The following PLPP4 variants were observed in gnomAD, a reference collection of about 807,000 sequenced individuals.
PLPP4 encodes diacylglycerol pyrophosphate like 2.
Under a neutral mutation model 32.2 loss-of-function variants are expected in PLPP4, and 20 were observed. The observed-to-expected ratio is 0.62, with a 90% CI of 0.44 to 0.90. PLPP4 has a LOEUF of 0.90. PLPP4 is among the 40% of genes least tolerant of loss of function. PLPP4 has a pLI of 0.00. For synonymous variants in PLPP4, 127 were observed against 133.0 expected, an observed-to-expected ratio of 0.95 and a Z score of 0.31; for missense variants, 257 against 353.1, an observed-to-expected ratio of 0.73 and a Z score of 2.18.
At chr10:120,518,742 A>T in intron 3 of PLPP4, 91 bp from the exon 4 acceptor site, 1 of 1,025,688 alleles carries the variant, frequency 9.7e-7, no homozygotes. Context: ...ATAGTATTAT[A>T]ATGTAACAGT....
At chr10:120,587,624 G>A (rs936874591) in intron 6 of PLPP4, 5 of 152,110 alleles carry the variant, frequency 3.3e-5, no homozygotes, top group East Asian at 1.9e-4. Flanking sequence ...TATTGTCCCC[G>A]TCCTCAAAAA....
intron 5 of PLPP4, among the ~76,000 whole-genome samples, chr10:120,555,074 C>T (rs12774116): frequency 0.052 from 7,940 of 151,328 alleles, 293 homozygotes; most frequent in Middle Eastern, 0.14. Flanking sequence ...CAGATTACAG[C>T]GAGTGGCAAA....
intron 2 of PLPP4, among the ~76,000 whole-genome samples, chr10:120,504,139 C>T (rs2133867738): frequency 6.6e-6 from 1 of 152,310 alleles, no homozygotes; most frequent in African/African-American, 2.4e-5. Context: ...TTCCCTGGTA[C>T]CACAAAGAAA....
At chr10:120,504,036 GAGA>G (rs1845387866) in intron 2 of PLPP4, 110 bp downstream of exon 2, 4 of 725,420 alleles carry the variant, frequency 5.5e-6, no homozygotes, top group Non-Finnish European at 9.5e-6. Flanking sequence ...CTGAGAGAAA[GAGA>G]AGGAGAGCAG....
chr10:120,581,288 C>T, intron 6 of PLPP4: 1 of 985,400 alleles, frequency 1.0e-6, no homozygotes, highest in African/African-American at 1.7e-5. Context: ...TGTGGTTCCT[C>T]CTGCTCAGCA....
intron 5 of PLPP4, among the ~76,000 whole-genome samples, chr10:120,567,586 T>A (rs1848748062): frequency 6.6e-6 from 1 of 152,226 alleles, no homozygotes; most frequent in South Asian, 2.1e-4. Context: ...GGATCTCAAT[T>A]TGTTGTCTGG....
intron 6 of PLPP4, among the ~76,000 whole-genome samples, chr10:120,588,486 TTGTC>T (rs1232177187): frequency 2.6e-5 from 4 of 152,214 alleles, no homozygotes; most frequent in Non-Finnish European, 5.9e-5. Context: ...TTTATTCACT[TTGTC>T]TGTGACTCAG....
intron 3 of PLPP4, among the ~76,000 whole-genome samples, chr10:120,515,302 A>C (rs913583270): frequency 1.3e-5 from 2 of 152,156 alleles, no homozygotes; most frequent in Non-Finnish European, 2.9e-5. Flanking sequence ...TGACCACTGC[A>C]ATGTGCCTTG....
At chr10:120,480,404 G>C (rs546919304) in intron 1 of PLPP4, among the ~76,000 whole-genome samples, 31 of 152,266 alleles carry the variant, frequency 2.0e-4, no homozygotes, top group Middle Eastern at 6.8e-3. Context: ...CCAAGGTTTT[G>C]ATCAGCAACT....
intron 5 of PLPP4, among the ~76,000 whole-genome samples, chr10:120,550,639 A>G (rs1847852378): frequency 6.6e-6 from 1 of 151,998 alleles, no homozygotes; most frequent in Non-Finnish European, 1.5e-5. Flanking sequence ...AAAGGTGTCA[A>G]GGTAATCTAG....
chr10:120,534,025 T>G (rs1024054185), intron 5 of PLPP4, among the ~76,000 whole-genome samples: 1 of 152,174 alleles, frequency 6.6e-6, no homozygotes, highest in African/African-American at 2.4e-5. Context: ...ATTTATACTG[T>G]CTTTTATAAT....
chr10:120,488,895 C>T (rs1292646111), intron 1 of PLPP4, among the ~76,000 whole-genome samples: 2 of 152,200 alleles, frequency 1.3e-5, no homozygotes, highest in Non-Finnish European at 2.9e-5. Flanking sequence ...GGCAAGAAAC[C>T]TCTTTGAGAC....
intron 1 of PLPP4, among the ~76,000 whole-genome samples, chr10:120,486,361 A>G (rs548363342): frequency 6.6e-6 from 1 of 151,948 alleles, no homozygotes; most frequent in South Asian, 2.1e-4. Flanking sequence ...ACTGTCCCCT[A>G]GATGAGGCAA....
chr10:120,508,934 G>A (rs1292655586), intron 2 of PLPP4, among the ~76,000 whole-genome samples: 1 of 152,152 alleles, frequency 6.6e-6, no homozygotes, highest in African/African-American at 2.4e-5. Flanking sequence ...AGCATTTGCC[G>A]GATGCTAGCT....
At chr10:120,516,142 C>A (rs538583493) in intron 3 of PLPP4, among the ~76,000 whole-genome samples, 3 of 152,054 alleles carry the variant, frequency 2.0e-5, no homozygotes, top group African/African-American at 7.2e-5. Flanking sequence ...TTTTCAATCA[C>A]TATTTTTAGG....
At chr10:120,581,881 A>C (rs1367259423) in intron 6 of PLPP4, among the ~76,000 whole-genome samples, 1 of 152,206 alleles carries the variant, frequency 6.6e-6, no homozygotes, top group Non-Finnish European at 1.5e-5. Context: ...ATCTGTCTCT[A>C]ACCACCAGAA....
intron 6 of PLPP4, chr10:120,580,883 A>AT (rs1369358097): frequency 3.9e-6 from 5 of 1,288,618 alleles, no homozygotes; most frequent in African/African-American, 1.5e-5. Flanking sequence ...ATGTCACCTC[A>AT]TTTTCCCTCC....
At chr10:120,526,152 A>AT (rs1245160080) in intron 5 of PLPP4, among the ~76,000 whole-genome samples, 1 of 151,860 alleles carries the variant, frequency 6.6e-6, no homozygotes, top group African/African-American at 2.4e-5. Flanking sequence ...TTTTATTATG[A>AT]TTTTTATATT....
upstream of PLPP4, chr10:120,457,126 CGCGAGGT>C: frequency 3.9e-6 from 1 of 258,410 alleles, no homozygotes; most frequent in Non-Finnish European, 7.1e-6. Flanking sequence ...GAGCCCGAGG[CGCGAGGT>C]TTAGGCTGAG....
Sources: gnomAD v4.1 joint callset for allele counts (sites outside exome capture counted in the v4.1 genomes callset) on GRCh38, gnomAD v4.1.1 for gene constraint, MANE v1.5 for transcripts, NCBI Gene and HGNC (gene_info 2026-07-23, HGNC 2026-07-21) for gene names.